The following ROR2 variants were observed in gnomAD, a reference collection of about 807,000 sequenced individuals.
ROR2 encodes tyrosine-protein kinase transmembrane receptor ROR2.
Under a neutral mutation model 74.9 loss-of-function variants are expected in ROR2, and 33 were observed. The observed-to-expected ratio is 0.44, with a 90% CI of 0.33 to 0.59. The LOEUF (loss-of-function observed/expected upper bound fraction) is 0.59, where lower values mean the gene tolerates loss of function less well. Ranked by LOEUF, ROR2 falls within the 20% of genes least tolerant of loss-of-function variation. ROR2 has a pLI of 0.02. For missense variants in ROR2, 1,216 were observed against 1,313.8 expected, an observed-to-expected ratio of 0.93 and a Z score of 1.15; for synonymous variants, 586 against 558.7, an observed-to-expected ratio of 1.05 and a Z score of -0.69.
intron 1 of ROR2, among the ~76,000 whole-genome samples, chr9:91,779,738 C>A (rs1826549320): frequency 6.6e-6 from 1 of 152,090 alleles, no homozygotes; most frequent in South Asian, 2.1e-4. Context: ...CAAGTATGCA[C>A]CCTAACCCTA....
chr9:91,737,897 T>C (rs1245851259), intron 4 of ROR2, among the ~76,000 whole-genome samples: 1 of 152,212 alleles, frequency 6.6e-6, no homozygotes. Flanking sequence ...ATACATACTG[T>C]ATGATTCCAA....
At chr9:91,824,452 G>T (rs887181052) in intron 1 of ROR2, among the ~76,000 whole-genome samples, 5 of 152,230 alleles carry the variant, frequency 3.3e-5, no homozygotes, top group African/African-American at 1.2e-4. Flanking sequence ...GCACACGCCG[G>T]GGGCAGGGCA....
At chr9:91,841,876 T>G (rs976883963) in intron 1 of ROR2, among the ~76,000 whole-genome samples, 1 of 152,222 alleles carries the variant, frequency 6.6e-6, no homozygotes. Context: ...TCCTCCACAT[T>G]CTGTGCATGG....
At chr9:91,934,154 C>T (rs1831622242) in intron 1 of ROR2, among the ~76,000 whole-genome samples, 1 of 152,156 alleles carries the variant, frequency 6.6e-6, no homozygotes, top group South Asian at 2.1e-4. Context: ...TCTTCAATCA[C>T]ACCCTTCTCA....
intron 6 of ROR2, 144 bp from the exon 7 acceptor site, chr9:91,731,299 A>C: frequency 8.4e-7 from 1 of 1,183,818 alleles, no homozygotes; most frequent in South Asian, 1.3e-5. Flanking sequence ...TGGCTTAATG[A>C]AGTCCCAAGC....
chr9:91,926,995 G>A (rs1334488631), intron 1 of ROR2, among the ~76,000 whole-genome samples: 1 of 152,058 alleles, frequency 6.6e-6, no homozygotes, highest in Non-Finnish European at 1.5e-5. Flanking sequence ...AATTAAGATG[G>A]CACATTCTAT....
chr9:91,730,911 A>G lies in ROR2; in HGVS notation c.1182T>C (p.Cys394=), dbSNP rs760294460. 6.2e-7 allele frequency: 1 copy of G among 1,614,108 alleles called. No individual in the cohort carries two copies. The highest frequency in any genetic ancestry group is 8.5e-7 in the Non-Finnish European group (1 of 1,180,038). The change falls in exon 7 of 9, where the codon TGT becomes TGC. Residue 394 remains cysteine, a splice_region_variant and synonymous_variant. Coordinates refer to ENST00000375708, the MANE Select transcript of ROR2 (RefSeq NM_004560.4). ...AAAAAAGAGAGAGAGAATACATACTACACGAGGGTACGTCACACAGTTCCA... is the reference window on the plus strand; with the variant it reads ...AAAAAAGAGAGAGAGAATACATACTGCACGAGGGTACGTCACACAGTTCCA... ...VRMELCDVPS[C]SPRDSSKMGI...
chr9:91,831,273 A>AC (rs906237561), intron 1 of ROR2, among the ~76,000 whole-genome samples: 52 of 151,910 alleles, frequency 3.4e-4, no homozygotes, highest in African/African-American at 9.9e-4. Flanking sequence ...AAAAAAACAA[A>AC]AAAAAAAAAT....
chr9:91,852,803 TG>T (rs1418502822), intron 1 of ROR2, among the ~76,000 whole-genome samples: 1 of 152,202 alleles, frequency 6.6e-6, no homozygotes, highest in Non-Finnish European at 1.5e-5. Context: ...ACCAAGAACT[TG>T]GGGGATTCCC....
At chr9:91,836,819 C>T (rs1048990072) in intron 1 of ROR2, among the ~76,000 whole-genome samples, 2 of 152,228 alleles carry the variant, frequency 1.3e-5, no homozygotes, top group African/African-American at 2.4e-5. Context: ...CCACCTCTGC[C>T]GCCTGGGCAG....
Position 91,723,248 on chromosome 9 carries a change from AC to A in ROR2, c.*413del, listed in dbSNP as rs1836859617. Reference sequence around the variant, plus strand: ...CAGATCGGTTGTCAGGAACCTCAAGACCCGAGGTGCCTCCTCGCTGCCTTTT... The same window carrying A: ...CAGATCGGTTGTCAGGAACCTCAAGACCGAGGTGCCTCCTCGCTGCCTTTT... On this transcript the variant is annotated 3_prime_UTR_variant, in exon 9 of 9. Transcript: ENST00000375708. 5.7e-6 allele frequency: 1 copy of A among 176,402 alleles called. No individual in the cohort carries two copies. The allele number at this position is 176,402 out of a possible 1,614,324, so 10.9% of individuals were successfully genotyped here.
At chr9:91,837,213 G>A (rs1264656319) in intron 1 of ROR2, among the ~76,000 whole-genome samples, 3 of 151,936 alleles carry the variant, frequency 2.0e-5, no homozygotes, top group African/African-American at 4.8e-5. Flanking sequence ...GTGCAGTGGC[G>A]CGATCTCAGC....
chr9:91,889,154 T>A (rs1564022262), intron 1 of ROR2, among the ~76,000 whole-genome samples: 2 of 152,208 alleles, frequency 1.3e-5, no homozygotes, highest in Non-Finnish European at 2.9e-5. Flanking sequence ...TCCACAGTCC[T>A]GGGACACTTC....
chr9:91,891,415 C>A (rs1830416865), intron 1 of ROR2, among the ~76,000 whole-genome samples: 1 of 152,096 alleles, frequency 6.6e-6, no homozygotes. Flanking sequence ...ATTACAGGCA[C>A]CCAACACCAC....
chr9:91,896,257 C>A (rs1177209041), intron 1 of ROR2, among the ~76,000 whole-genome samples: 3 of 152,172 alleles, frequency 2.0e-5, no homozygotes, highest in Non-Finnish European at 4.4e-5. Context: ...TTGCCAGTGC[C>A]GCTCCACTGG....
chr9:91,861,619 C>T (rs1482537256), intron 1 of ROR2, among the ~76,000 whole-genome samples: 1 of 152,220 alleles, frequency 6.6e-6, no homozygotes, highest in African/African-American at 2.4e-5. Context: ...AAATGCATCA[C>T]AGGCCATGTA....
At chr9:91,908,639 T>C (rs539691089) in intron 1 of ROR2, among the ~76,000 whole-genome samples, 1 of 152,190 alleles carries the variant, frequency 6.6e-6, no homozygotes, top group East Asian at 1.9e-4. Flanking sequence ...CTCAAAGAAA[T>C]AAGTTTAAAA....
intron 1 of ROR2, among the ~76,000 whole-genome samples, chr9:91,937,608 C>T (rs550377575): frequency 3.3e-4 from 50 of 151,692 alleles, no homozygotes; most frequent in African/African-American, 1.0e-3. Context: ...TGCAGCAGCC[C>T]GACTCACTTG....
intron 4 of ROR2, among the ~76,000 whole-genome samples, chr9:91,753,347 C>G (rs1825647377): frequency 6.6e-6 from 1 of 152,168 alleles, no homozygotes; most frequent in African/African-American, 2.4e-5. Flanking sequence ...TGTCCACATG[C>G]TCAGCCTCAC....
Sources: gnomAD v4.1 joint callset for allele counts (sites outside exome capture counted in the v4.1 genomes callset) on GRCh38, gnomAD v4.1.1 for gene constraint, MANE v1.5 for transcripts, NCBI Gene and HGNC (gene_info 2026-07-23, HGNC 2026-07-21) for gene names.